WDR64: variants seen among roughly 807,000 people sequenced by gnomAD.
WDR64 encodes the protein WD repeat domain 64, also known as WD repeat-containing protein 64.
In WDR64, 112 loss-of-function variants were observed where a neutral mutation model predicts 139.3. The ratio of observed to expected loss-of-function variants is 0.80; its 90% CI spans 0.69 to 0.94. The LOEUF (loss-of-function observed/expected upper bound fraction) is 0.94. Among genes scored for constraint, WDR64 ranks in the 40% least tolerant of loss-of-function variants. WDR64 has a pLI of 0.00. For missense variants in WDR64, 1,206 were observed against 1,293.1 expected (o/e 0.93, Z 1.03); for synonymous variants, 444 against 437.7 (o/e 1.01, Z -0.18).
chr1:241,665,450 C>T (rs956307773), intron 2 of WDR64, among the ~76,000 whole-genome samples: 6 of 152,148 alleles, frequency 3.9e-5, no homozygotes, highest in African/African-American at 7.2e-5. Flanking sequence ...AATAAAAACA[C>T]GATTTATTCT....
At chr1:241,790,460 T>G (rs1352305773) in intron 24 of WDR64, 131 bp from the exon 25 acceptor site, 1 of 688,434 alleles carries the variant, frequency 1.5e-6, no homozygotes, top group African/African-American at 1.8e-5. Context: ...AGTGTAGAGA[T>G]ACTGTCATTG....
intron 14 of WDR64, 125 bp downstream of exon 14, chr1:241,749,847 A>G (rs1669915318): frequency 1.8e-6 from 2 of 1,119,326 alleles, no homozygotes; most frequent in Non-Finnish European, 2.5e-6. Context: ...ATTTATCCTC[A>G]GCCTTCCCGT....
intron 8 of WDR64, among the ~76,000 whole-genome samples, chr1:241,699,779 A>G (rs747380441): frequency 3.9e-5 from 6 of 152,200 alleles, no homozygotes; most frequent in African/African-American, 7.2e-5. Context: ...ATGGTTCAAT[A>G]TAATTGGAGA....
intron 3 of WDR64, among the ~76,000 whole-genome samples, chr1:241,673,924 C>T (rs983432839): frequency 2.6e-5 from 4 of 151,642 alleles, no homozygotes; most frequent in East Asian, 1.9e-4. Flanking sequence ...TTTTATCATG[C>T]GTAAACCACA....
intron 2 of WDR64, 87 bp downstream of exon 2, chr1:241,660,747 A>G: frequency 6.9e-7 from 1 of 1,444,568 alleles, no homozygotes; most frequent in East Asian, 2.5e-5. Flanking sequence ...TGTTACTGCC[A>G]CAGGGGTTGA....
chr1:241,732,995 T>G (rs1669149183), intron 10 of WDR64, among the ~76,000 whole-genome samples: 1 of 152,170 alleles, frequency 6.6e-6, no homozygotes, highest in Non-Finnish European at 1.5e-5. Flanking sequence ...CTTCTTCTAC[T>G]TCATCATTAT....
intron 23 of WDR64, among the ~76,000 whole-genome samples, chr1:241,786,022 T>C (rs1659023888): frequency 6.6e-6 from 1 of 152,204 alleles, no homozygotes. Context: ...AATTTAGAAT[T>C]GTTCCGAAGT....
At position 241,652,648 on chromosome 1, in the gene WDR64, C is replaced by T. The variant is rs939741683; in HGVS notation, c.145+19C>T. On this transcript the variant is annotated intron_variant, in intron 1 of 27. Coordinates refer to ENST00000437684, the MANE Select transcript of WDR64 (RefSeq NM_001367482.1). ...AAAGAAGGTAAGATCAGTGATTACA[C>T]GATAGTCCAATTGGGTCTGTTGGTT... 9.0e-6 allele frequency: 14 copies of T among 1,550,692 alleles called. No homozygotes were observed. Among genetic ancestry groups the T allele is most frequent in the South Asian group, 6.0e-5 (5 of 83,884 alleles).
rs188691497 is a variant in WDR64, at chr1:241,690,450, G to A, written c.974+2855G>A. ...CACACCACTGCACTCCACCCTGGGC[G>A]ACAGAGGGAGACTCTGTCAAAAAAA... is the stretch of plus-strand genomic sequence containing the variant. On this transcript the variant is annotated intron_variant, in intron 8 of 27. Transcript: ENST00000437684. Among the ~76,000 whole-genome samples, 8 of 151,884 alleles carry A rather than the reference G, an allele frequency of 5.3e-5. No individual in the cohort carries two copies. In the East Asian group the frequency reaches 1.4e-3, roughly 26 times the overall value.
chr1:241,679,871 G>A (rs1175392159), intron 6 of WDR64, among the ~76,000 whole-genome samples: 1 of 152,134 alleles, frequency 6.6e-6, no homozygotes, highest in Non-Finnish European at 1.5e-5. Flanking sequence ...CTGAATCCAA[G>A]TATTATCTTT....
At chr1:241,770,421 C>G (rs1363818324) in intron 17 of WDR64, 200 bp from the exon 18 acceptor site, 2 of 448,936 alleles carry the variant, frequency 4.5e-6, no homozygotes, top group Non-Finnish European at 7.9e-6. Context: ...TTTGCTGAGG[C>G]TCCCCAAGAG....
intron 1 of WDR64, among the ~76,000 whole-genome samples, chr1:241,655,180 C>A (rs1167688167): frequency 1.3e-5 from 2 of 152,138 alleles, no homozygotes; most frequent in Non-Finnish European, 2.9e-5. Context: ...GTCAGGAGTT[C>A]AAGACCAGCC....
chr1:241,749,817 G>T, intron 14 of WDR64, 95 bp downstream of exon 14: 3 of 1,355,970 alleles, frequency 2.2e-6, no homozygotes, highest in South Asian at 1.3e-5. Context: ...CCCCGCTCTT[G>T]GTAGCCAGCT....
chr1:241,675,123 C>CCTTCCTTCCTCCCTCCCTCCT (rs1427164669), intron 4 of WDR64, among the ~76,000 whole-genome samples: 1 of 17,298 alleles, frequency 5.8e-5, no homozygotes, highest in Admixed American at 1.0e-3. Context: ...CTCCCTCCCT[C>CCTTCCTTCCTCCCTCCCTCCT]CTTCCCTCCT....
intron 14 of WDR64, among the ~76,000 whole-genome samples, chr1:241,752,580 T>C (rs868468248): frequency 3.3e-5 from 5 of 152,202 alleles, no homozygotes; most frequent in Non-Finnish European, 5.9e-5. Context: ...CTGGATATAG[T>C]GGCTCATGCC....
chr1:241,799,982 T>A (rs910464537), intron 27 of WDR64, among the ~76,000 whole-genome samples: 2 of 152,146 alleles, frequency 1.3e-5, no homozygotes, highest in East Asian at 3.8e-4. Flanking sequence ...GAATGTAAGA[T>A]CCATGAAGGC....
intron 3 of WDR64, among the ~76,000 whole-genome samples, chr1:241,673,247 G>T (rs377172975): frequency 1.3e-4 from 19 of 151,842 alleles, no homozygotes; most frequent in African/African-American, 4.6e-4. Flanking sequence ...GAGTTAATGG[G>T]TGCAGCACAC....
chr1:241,677,890 T>C (rs905180670), intron 4 of WDR64, among the ~76,000 whole-genome samples: 1 of 151,962 alleles, frequency 6.6e-6, no homozygotes, highest in African/African-American at 2.4e-5. Context: ...TCCAAACAAC[T>C]AAAAAAAATA....
chr1:241,674,226 C>CA (rs1432155033), intron 3 of WDR64, among the ~76,000 whole-genome samples: 1 of 143,984 alleles, frequency 6.9e-6, no homozygotes, highest in Non-Finnish European at 1.5e-5. Flanking sequence ...GGCTTTCTAG[C>CA]AAAAAAGCTG....
Sources: gnomAD v4.1 joint callset for allele counts (sites outside exome capture counted in the v4.1 genomes callset) on GRCh38, gnomAD v4.1.1 for gene constraint, MANE v1.5 for transcripts, NCBI Gene and HGNC (gene_info 2026-07-23, HGNC 2026-07-21) for gene names.